Variants in TRPC4 observed in about 807,000 individuals in gnomAD.
TRPC4 encodes the protein short transient receptor potential channel 4.
A neutral mutation model predicts 99.4 loss-of-function variants in TRPC4; 49 were observed. That is an observed-to-expected ratio of 0.49 (90% CI 0.39 to 0.63). The LOEUF (loss-of-function observed/expected upper bound fraction) is 0.63. TRPC4 is among the 20% of genes least tolerant of loss of function. The pLI is 0.00. For missense variants in TRPC4, 898 were observed against 1,152.9 expected, an observed-to-expected ratio of 0.78 and a Z score of 3.20; for synonymous variants, 454 against 425.9, an observed-to-expected ratio of 1.07 and a Z score of -0.81.
rs1956884915 is a variant in TRPC4 at position 37,783,136 on chromosome 13, A to C, written c.198T>G (p.Ile66Met). 1.2e-6 allele frequency: 2 copies of C among 1,613,500 alleles called. No homozygotes were observed. Among genetic ancestry groups the C allele is most frequent in the South Asian group, 2.2e-5 (2 of 91,064 alleles). ...GGAGAGCAGTTCTTCCGAGAGGATC[A>C]ATGCAATTAATATTGATTTTAAAAT... ...EIYFKININC[I>M]DPLGRTALLI... Residue 66 changes from isoleucine to methionine, a missense_variant, in exon 2 of 11, where the codon ATT (isoleucine) becomes ATG (methionine). Transcript: ENST00000379705.
intron 5 of TRPC4, among the ~76,000 whole-genome samples, chr13:37,670,037 T>C (rs1157229485): frequency 6.6e-6 from 1 of 152,064 alleles, no homozygotes; most frequent in Non-Finnish European, 1.5e-5. Flanking sequence ...CACACCAAAG[T>C]TTGCATTCTC....
In TRPC4 at chr13:37,632,956, G is replaced by T. The variant is rs1196582558; in HGVS notation, c.*3947C>A. Reference sequence around the variant, plus strand: ...AGTCAGTGGTCAAGGCATTTATAATGTGATGCCTCATCCAAATATCTAGAT... The same window carrying T: ...AGTCAGTGGTCAAGGCATTTATAATTTGATGCCTCATCCAAATATCTAGAT... On this transcript the variant is annotated 3_prime_UTR_variant, in exon 11 of 11. Coordinates refer to ENST00000379705, the MANE Select transcript of TRPC4 (RefSeq NM_016179.4). Among the ~76,000 whole-genome samples the T allele has an allele frequency of 6.6e-6, 1 of 152,172 alleles. No homozygotes were observed. Among genetic ancestry groups the T allele is most frequent in the Non-Finnish European group, 1.5e-5 (1 of 68,026 alleles).
intron 8 of TRPC4, among the ~76,000 whole-genome samples, chr13:37,649,005 TA>T (rs1430550826): frequency 1.3e-4 from 1 of 7,720 alleles, no homozygotes; most frequent in Non-Finnish European, 1.1e-3. Context: ...GGTGAGTAGG[TA>T]TTTTTTTTTT....
At chr13:37,856,069 A>C (rs1381964831) in intron 1 of TRPC4, among the ~76,000 whole-genome samples, 1 of 151,890 alleles carries the variant, frequency 6.6e-6, no homozygotes, top group Non-Finnish European at 1.5e-5. Flanking sequence ...AGAGAAAAAT[A>C]CAAAAGATCA....
In TRPC4 at chr13:37,682,652, C is replaced by G. The variant is rs566731946; in HGVS notation, c.1235-8285G>C. ...ACCCTATCTGTTCCCAACCACCTAGCCCTCTCCTTCCGTAATCTGTAACAG... is the reference window on the plus strand; with the variant it reads ...ACCCTATCTGTTCCCAACCACCTAGGCCTCTCCTTCCGTAATCTGTAACAG... On this transcript the variant is annotated intron_variant, in intron 4 of 10. Coordinates refer to ENST00000379705, the MANE Select transcript of TRPC4 (RefSeq NM_016179.4). 2.0e-5 allele frequency among the ~76,000 whole-genome samples: 3 copies of G among 152,302 alleles called. No individual in the cohort carries two copies. In the East Asian group the frequency reaches 5.8e-4, roughly 29 times the overall value.
chr13:37,798,716 T>C (rs1337026205), intron 1 of TRPC4, among the ~76,000 whole-genome samples: 1 of 152,186 alleles, frequency 6.6e-6, no homozygotes, highest in Non-Finnish European at 1.5e-5. Flanking sequence ...CGTATTCTCA[T>C]TACAACCTGC....
At chr13:37,813,677 G>T (rs1957764517) in intron 1 of TRPC4, among the ~76,000 whole-genome samples, 1 of 151,704 alleles carries the variant, frequency 6.6e-6, no homozygotes, top group Non-Finnish European at 1.5e-5. Flanking sequence ...GACTGAAGAA[G>T]AAATAGAAAT....
At chr13:37,789,547 T>G (rs1474594190) in intron 1 of TRPC4, among the ~76,000 whole-genome samples, 2 of 152,196 alleles carry the variant, frequency 1.3e-5, no homozygotes, top group Non-Finnish European at 1.5e-5. Context: ...TTAATGATTA[T>G]ACTCTTAGAG....
intron 1 of TRPC4, among the ~76,000 whole-genome samples, chr13:37,818,156 TTAAA>T (rs1399643096): frequency 6.7e-6 from 1 of 148,302 alleles, no homozygotes; most frequent in Non-Finnish European, 1.5e-5. Context: ...TGTAAGAAAC[TTAAA>T]TAAATTTCAA....
intron 1 of TRPC4, among the ~76,000 whole-genome samples, chr13:37,864,751 TG>T (rs1442673704): frequency 6.6e-6 from 1 of 151,474 alleles, no homozygotes; most frequent in African/African-American, 2.4e-5. Flanking sequence ...TCTGGAGAAA[TG>T]AAGGAAACTT....
Position 37,632,765 on chromosome 13 carries a change from T to G in TRPC4, c.*4138A>C, listed in dbSNP as rs1003387234. On this transcript the variant is annotated 3_prime_UTR_variant, in exon 11 of 11. Transcript: ENST00000379705. ...CTACACTTCCAGTGAAAATGAACAG[T>G]GTATTTTCTGAAAACAGTAAGAAAC... 7.9e-5 allele frequency among the ~76,000 whole-genome samples: 12 copies of G among 152,226 alleles called. No homozygotes were observed. Among genetic ancestry groups the G allele is most frequent in the African/African-American group, 2.9e-4 (12 of 41,458 alleles).
chr13:37,869,371 C>T (rs901458464), intron 1 of TRPC4, among the ~76,000 whole-genome samples: 4 of 152,196 alleles, frequency 2.6e-5, no homozygotes, highest in Admixed American at 6.5e-5. Context: ...CCCCAAACTC[C>T]TGCTCAGCCC....
At chr13:37,792,491 A>G (rs1027907235) in intron 1 of TRPC4, among the ~76,000 whole-genome samples, 4 of 152,148 alleles carry the variant, frequency 2.6e-5, no homozygotes, top group Non-Finnish European at 5.9e-5. Flanking sequence ...TGTGTTAAAG[A>G]CTCACTACTT....
intron 3 of TRPC4, among the ~76,000 whole-genome samples, chr13:37,742,274 T>G (rs969637864): frequency 1.3e-5 from 2 of 152,146 alleles, no homozygotes; most frequent in African/African-American, 4.8e-5. Flanking sequence ...CCTGCCAACA[T>G]TAATTGTTTT....
intron 3 of TRPC4, among the ~76,000 whole-genome samples, chr13:37,693,275 A>T (rs527679701): frequency 1.3e-5 from 2 of 152,288 alleles, no homozygotes; most frequent in East Asian, 3.9e-4. Context: ...CCACCGGGAC[A>T]TATTTGTATA....
rs78546118 is a variant in TRPC4 at position 37,803,085 on chromosome 13, C to T, written c.-27-19725G>A. Among the ~76,000 whole-genome samples the T allele has an allele frequency of 8.2e-3, 1,245 of 152,040 alleles. 25 individuals carry two copies. The East Asian group carries it at 0.1, about 12-fold the overall frequency. ...GTTTCTTTTATTGCCCAAACTGTCT[C>T]ATCTTTGTCCATTGGGAGCTTTTTC... On this transcript the variant is annotated intron_variant, in intron 1 of 10. Coordinates refer to ENST00000379705, the MANE Select transcript of TRPC4 (RefSeq NM_016179.4).
chr13:37,797,956 C>A (rs1957301089), intron 1 of TRPC4, among the ~76,000 whole-genome samples: 1 of 152,066 alleles, frequency 6.6e-6, no homozygotes, highest in African/African-American at 2.4e-5. Context: ...ATACTCATCC[C>A]AGAGGTTTAT....
rs1220366339 is a variant in TRPC4 at position 37,746,147 on chromosome 13, T to C, written c.687A>G (p.Glu229=). 9.9e-6 allele frequency: 16 copies of C among 1,613,864 alleles called. No individual in the cohort carries two copies. The highest frequency in any genetic ancestry group is 1.2e-5 in the Non-Finnish European group (14 of 1,179,874). ...TGAATTCATTTTCCACCTTGCTCAG[T>C]TCCTGAAGTTCCCAACTTAACTGAA... ...TAFQLSWELQ[E]LSKVENEFKS... The change falls in exon 3 of 11, where the codon GAA becomes GAG. Residue 229 remains glutamate, a synonymous_variant. Coordinates refer to ENST00000379705, the MANE Select transcript of TRPC4 (RefSeq NM_016179.4).
At chr13:37,829,099 GA>G (rs1394988805) in intron 1 of TRPC4, among the ~76,000 whole-genome samples, 1 of 151,966 alleles carries the variant, frequency 6.6e-6, no homozygotes, top group Non-Finnish European at 1.5e-5. Context: ...AGCAACCAAA[GA>G]AAAAATAGAT....
Sources: gnomAD v4.1 joint callset for allele counts (sites outside exome capture counted in the v4.1 genomes callset) on GRCh38, gnomAD v4.1.1 for gene constraint, MANE v1.5 for transcripts, NCBI Gene and HGNC (gene_info 2026-07-23, HGNC 2026-07-21) for gene names.